The following ZNF33A variants were observed in gnomAD, a reference collection of about 807,000 sequenced individuals.
The protein encoded by ZNF33A is brain my041 protein.
In ZNF33A, 9 loss-of-function variants were observed where a neutral mutation model predicts 15.9. That is an observed-to-expected ratio of 0.57 (90% CI 0.34 to 0.99). ZNF33A has a LOEUF of 0.99. Ranked by LOEUF, ZNF33A falls within the 50% of genes least tolerant of loss-of-function variation. The pLI, the probability that ZNF33A is intolerant of heterozygous loss-of-function variation, is 0.02. For synonymous variants in ZNF33A, 294 were observed against 324.2 expected, an observed-to-expected ratio of 0.91 and a Z score of 1.00; for missense variants, 843 against 941.6, an observed-to-expected ratio of 0.90 and a Z score of 1.37.
chr10:38,027,395 C>G (rs1036442964), intron 4 of ZNF33A, among the ~76,000 whole-genome samples: 1 of 151,826 alleles, frequency 6.6e-6, no homozygotes, highest in Non-Finnish European at 1.5e-5. Flanking sequence ...TCACTCTTGC[C>G]CAGGCTGTAG....
At position 38,055,729 on chromosome 10, in the gene ZNF33A, C is replaced by T. The variant is rs367948550; in HGVS notation, c.1605C>T (p.Cys535=). Residue 535 remains cysteine (C), a synonymous_variant, in exon 5 of 5, where the codon TGC becomes TGT. Coordinates refer to ENST00000432900, the MANE Select transcript of ZNF33A (RefSeq NM_006954.2). The part of the protein sequence containing the change: ...YECYECGKTF[C]LKSDLTVHQR... ...GTTATGAATGTGGGAAAACCTTCTG[C>T]TTGAAGTCAGACCTCACAGTACATC... The T allele has an allele frequency of 1.9e-6, 3 of 1,613,662 alleles. No individual in the cohort carries two copies. The highest frequency in any genetic ancestry group is 2.2e-5 in the South Asian group (2 of 91,076).
At chr10:38,012,613 A>G (rs2064244137) in intron 2 of ZNF33A, among the ~76,000 whole-genome samples, 1 of 151,670 alleles carries the variant, frequency 6.6e-6, no homozygotes, top group Non-Finnish European at 1.5e-5. Context: ...TTGCGTTTTA[A>G]TAGAGACAGG....
chr10:38,020,751 G>A (rs1402897545), intron 4 of ZNF33A, among the ~76,000 whole-genome samples: 2 of 152,134 alleles, frequency 1.3e-5, no homozygotes, highest in African/African-American at 4.8e-5. Context: ...GGACACTTAG[G>A]TTGATTCCAA....
chr10:38,062,644 G>C (rs990099376), downstream of ZNF33A, among the ~76,000 whole-genome samples: 1 of 152,146 alleles, frequency 6.6e-6, no homozygotes, highest in Admixed American at 6.5e-5. Context: ...GGAGTTCAAG[G>C]CTGCAGTGAG....
chr10:38,052,528 A>G (rs1440718364), intron 4 of ZNF33A, among the ~76,000 whole-genome samples: 3 of 152,206 alleles, frequency 2.0e-5, no homozygotes, highest in Non-Finnish European at 4.4e-5. Context: ...TGTTGTTAAC[A>G]TGACTTATAG....
Position 38,058,141 on chromosome 10 carries a change from A to C in ZNF33A, c.*1581A>C. 1 of 798,660 alleles carries C rather than the reference A, an allele frequency of 1.3e-6. No homozygotes were observed. The highest frequency in any genetic ancestry group is 1.3e-4 in the East Asian group (1 of 7,962). The allele number at this position is 798,660 out of a possible 1,614,324, so 49.5% of individuals were successfully genotyped here. On this transcript the variant is annotated 3_prime_UTR_variant, in exon 5 of 5. Coordinates refer to ENST00000432900, the MANE Select transcript of ZNF33A (RefSeq NM_006954.2). The stretch of plus-strand genomic sequence containing the variant: ...AAATTAAATCCAAAGTAACCTGAAA[A>C]AACATTAGAGTAAAAATCATTGAAA...
Position 38,057,559 on chromosome 10 carries a change from C to G in ZNF33A, c.*999C>G, listed in dbSNP as rs901310165. The G allele has an allele frequency of 1.0e-6, 1 of 984,474 alleles. No individual in the cohort carries two copies. Among genetic ancestry groups the G allele is most frequent in the Non-Finnish European group, 1.2e-6 (1 of 829,122 alleles). 61.0% of individuals were successfully genotyped at this position (984,474 alleles called of 1,614,324 possible). A position where few individuals can be genotyped will look rare whatever the true frequency, so the allele number is the denominator to read the frequency against. ...GGCCCATCCCAGATGTTTGTGATGTCCTGAAACAATTTAAAAGGAGACCCA... is the reference window on the plus strand; with the variant it reads ...GGCCCATCCCAGATGTTTGTGATGTGCTGAAACAATTTAAAAGGAGACCCA... On this transcript the variant is annotated 3_prime_UTR_variant, in exon 5 of 5. Transcript: ENST00000432900.
intron 4 of ZNF33A, among the ~76,000 whole-genome samples, chr10:38,028,928 A>G (rs1021727627): frequency 6.6e-5 from 10 of 152,194 alleles, no homozygotes; most frequent in Admixed American, 5.2e-4. Context: ...CGTAACTTCA[A>G]TGTCATATGA....
intron 4 of ZNF33A, among the ~76,000 whole-genome samples, chr10:38,034,562 G>A (rs2065356161): frequency 6.6e-6 from 1 of 152,052 alleles, no homozygotes; most frequent in African/African-American, 2.4e-5. Context: ...TTTTGATGTT[G>A]GCCTGAAATG....
chr10:38,039,513 C>T, intron 4 of ZNF33A: 1 of 456,220 alleles, frequency 2.2e-6, no homozygotes, highest in South Asian at 1.5e-5. Flanking sequence ...AGGCATGAGC[C>T]ACAGCATCCC....
downstream of ZNF33A, among the ~76,000 whole-genome samples, chr10:38,061,609 C>G (rs2066654365): frequency 6.6e-6 from 1 of 152,086 alleles, no homozygotes; most frequent in Non-Finnish European, 1.5e-5. Flanking sequence ...ACTGTGACAT[C>G]CAATATGCTT....
intron 4 of ZNF33A, among the ~76,000 whole-genome samples, chr10:38,029,308 GT>G (rs1226276549): frequency 6.6e-6 from 1 of 152,098 alleles, no homozygotes; most frequent in Non-Finnish European, 1.5e-5. Context: ...TTGAAGGACT[GT>G]TTTACCAGCT....
chr10:38,018,045 G>C (rs1448584019), intron 4 of ZNF33A, among the ~76,000 whole-genome samples: 1 of 152,322 alleles, frequency 6.6e-6, no homozygotes, highest in South Asian at 2.1e-4. Context: ...AGTGAGCTGA[G>C]ACTGTGCCAC....
At chr10:38,037,446 C>G (rs1301445960) in intron 4 of ZNF33A, among the ~76,000 whole-genome samples, 2 of 151,898 alleles carry the variant, frequency 1.3e-5, no homozygotes, top group Non-Finnish European at 2.9e-5. Flanking sequence ...GCCTCAGCCT[C>G]CTGAGTAGCT....
intron 2 of ZNF33A, among the ~76,000 whole-genome samples, chr10:38,013,788 C>T (rs2064312242): frequency 6.6e-6 from 1 of 151,876 alleles, no homozygotes; most frequent in Non-Finnish European, 1.5e-5. Context: ...GATACACAAC[C>T]CCCTAAATTT....
intron 4 of ZNF33A, among the ~76,000 whole-genome samples, chr10:38,018,963 C>A: frequency 6.6e-6 from 1 of 150,540 alleles, no homozygotes; most frequent in East Asian, 1.9e-4. Context: ...TTAATTTGAG[C>A]TTGTGATAAT....
rs201445921 is a variant in ZNF33A, at chr10:38,039,729, AC to A, written c.251-14645del. Reference sequence around the variant, plus strand: ...TTATTTCTGTAAGAGTACTAGTAATACATCTTTAATCCCTACTTTTAGTAAT... The same window carrying A: ...TTATTTCTGTAAGAGTACTAGTAATAATCTTTAATCCCTACTTTTAGTAAT... On this transcript the variant is annotated intron_variant, in intron 4 of 4. Coordinates refer to ENST00000432900, the MANE Select transcript of ZNF33A (RefSeq NM_006954.2). 8.8e-4 allele frequency: 315 copies of A among 358,764 alleles called. 7 individuals are homozygous for A. In the East Asian group the frequency reaches 0.018, roughly 20 times the overall value. 22.2% of individuals were successfully genotyped at this position (358,764 alleles called of 1,614,324 possible). A position where few individuals can be genotyped will look rare whatever the true frequency, so the allele number is the denominator to read the frequency against.
Position 38,060,086 on chromosome 10 carries a change from G to C in ZNF33A, c.*3526G>C, listed in dbSNP as rs778630165. The C allele has an allele frequency of 2.0e-6, 2 of 985,282 alleles. No homozygotes were observed. Among genetic ancestry groups the C allele is most frequent in the Non-Finnish European group, 2.4e-6 (2 of 829,858 alleles). The allele number at this position is 985,282 out of a possible 1,614,324, so 61.0% of individuals were successfully genotyped here. On this transcript the variant is annotated 3_prime_UTR_variant, in exon 5 of 5. Transcript: ENST00000432900. ...AGGAACATCTTGTTTCTGTACTAAGGTGTTCTTTTGTTAGTTGTATGTTTC... is the reference window on the plus strand; with the variant it reads ...AGGAACATCTTGTTTCTGTACTAAGCTGTTCTTTTGTTAGTTGTATGTTTC...
chr10:38,021,623 G>A (rs1454860491), intron 4 of ZNF33A, among the ~76,000 whole-genome samples: 1 of 151,854 alleles, frequency 6.6e-6, no homozygotes, highest in African/African-American at 2.4e-5. Flanking sequence ...TACAGAATAA[G>A]ACTCTGTCTC....
Sources: gnomAD v4.1 joint callset for allele counts (sites outside exome capture counted in the v4.1 genomes callset) on GRCh38, gnomAD v4.1.1 for gene constraint, MANE v1.5 for transcripts, NCBI Gene and HGNC (gene_info 2026-07-23, HGNC 2026-07-21) for gene names.